Variants in KCNQ5 observed in about 807,000 individuals in gnomAD.
KCNQ5 encodes the protein potassium voltage-gated channel subfamily Q member 5, also known as potassium voltage-gated channel subfamily KQT member 5.
KCNQ5 carries 30 observed loss-of-function variants against 98.2 expected under a neutral mutation model. The ratio of observed to expected loss-of-function variants is 0.31; its 90% CI spans 0.23 to 0.41. The LOEUF is 0.41. Among genes scored for constraint, KCNQ5 ranks in the 10% least tolerant of loss-of-function variants. The probability of loss-of-function intolerance (pLI) is 1.00; values close to 1 mark genes in which losing one functional copy is unlikely to be tolerated. For synonymous variants in KCNQ5, 458 were observed against 449.4 expected (o/e 1.02, Z -0.24); for missense variants, 835 against 1,182.5 (o/e 0.71, Z 4.31).
intron 10 of KCNQ5, among the ~76,000 whole-genome samples, chr6:73,144,829 G>A (rs989308772): frequency 3.3e-5 from 5 of 152,136 alleles, no homozygotes; most frequent in Non-Finnish European, 5.9e-5. Flanking sequence ...TGGTTCACAT[G>A]GTGGTGGTGG....
intron 1 of KCNQ5, among the ~76,000 whole-genome samples, chr6:72,899,981 G>T (rs920112903): frequency 6.6e-6 from 1 of 152,066 alleles, no homozygotes; most frequent in African/African-American, 2.4e-5. Context: ...GAGTATCTGG[G>T]TGTGCACCAC....
At chr6:73,171,574 A>G (rs1778017065) in intron 11 of KCNQ5, among the ~76,000 whole-genome samples, 1 of 152,244 alleles carries the variant, frequency 6.6e-6, no homozygotes, top group East Asian at 1.9e-4. Flanking sequence ...GAATTAATTA[A>G]AATGAAATAC....
chr6:73,178,241 G>A (rs1778288489), intron 11 of KCNQ5, among the ~76,000 whole-genome samples: 1 of 145,778 alleles, frequency 6.9e-6, no homozygotes, highest in African/African-American at 2.6e-5. Context: ...GGATCTGGAA[G>A]TTCTTGCTTG....
intron 11 of KCNQ5, among the ~76,000 whole-genome samples, chr6:73,181,282 C>G (rs899247486): frequency 1.3e-5 from 2 of 152,182 alleles, no homozygotes; most frequent in Non-Finnish European, 2.9e-5. Flanking sequence ...TCTTCATAAC[C>G]AACAGCATCA....
intron 8 of KCNQ5, among the ~76,000 whole-genome samples, chr6:73,121,193 A>G (rs559292355): frequency 6.6e-6 from 1 of 152,224 alleles, no homozygotes; most frequent in Non-Finnish European, 1.5e-5. Context: ...TTCACATTTC[A>G]TTGGCCAAAG....
chr6:72,655,689 G>A (rs770883556), intron 1 of KCNQ5, among the ~76,000 whole-genome samples: 2 of 152,198 alleles, frequency 1.3e-5, no homozygotes, highest in South Asian at 2.1e-4. Flanking sequence ...GGAATATGTC[G>A]GGACATACTG....
At chr6:73,109,236 A>G (rs554685778) in intron 6 of KCNQ5, among the ~76,000 whole-genome samples, 1 of 152,338 alleles carries the variant, frequency 6.6e-6, no homozygotes, top group African/African-American at 2.4e-5. Context: ...TTTTCAGCAC[A>G]TTTTAGATTG....
At chr6:73,101,833 C>G (rs1774789535) in intron 5 of KCNQ5, among the ~76,000 whole-genome samples, 1 of 152,110 alleles carries the variant, frequency 6.6e-6, no homozygotes, top group East Asian at 1.9e-4. Flanking sequence ...TCAAAGCAAT[C>G]TACAAATTCA....
At chr6:73,156,793 AT>A (rs1309971839) in intron 10 of KCNQ5, among the ~76,000 whole-genome samples, 1 of 152,232 alleles carries the variant, frequency 6.6e-6, no homozygotes, top group Non-Finnish European at 1.5e-5. Flanking sequence ...TTTGGAAAGA[AT>A]GAGGAGCAGC....
At chr6:72,955,223 G>C (rs1562091247) in intron 1 of KCNQ5, among the ~76,000 whole-genome samples, 1 of 152,114 alleles carries the variant, frequency 6.6e-6, no homozygotes, top group African/African-American at 2.4e-5. Flanking sequence ...GAACCTGCTT[G>C]TCCATTCTTA....
At chr6:73,103,910 C>T (rs1774898489) in intron 5 of KCNQ5, among the ~76,000 whole-genome samples, 2 of 151,830 alleles carry the variant, frequency 1.3e-5, no homozygotes, top group Non-Finnish European at 2.9e-5. Context: ...TGATGGATAC[C>T]CCTTTTACCC....
chr6:73,097,142 C>CATATATATATATATGTATAT (rs1554208511), intron 5 of KCNQ5, among the ~76,000 whole-genome samples: 1 of 121,858 alleles, frequency 8.2e-6, no homozygotes, highest in Non-Finnish European at 1.8e-5. Flanking sequence ...CAATAGATCT[C>CATATATATATATATGTATAT]ATATATATAT....
chr6:73,189,978 A>G (rs972652398), intron 11 of KCNQ5, among the ~76,000 whole-genome samples: 4 of 150,578 alleles, frequency 2.7e-5, no homozygotes, highest in African/African-American at 9.8e-5. Flanking sequence ...CCTGGGCAAC[A>G]CAGTGAGACC....
intron 1 of KCNQ5, among the ~76,000 whole-genome samples, chr6:72,748,664 G>A (rs1160778690): frequency 6.6e-6 from 1 of 152,072 alleles, no homozygotes; most frequent in African/African-American, 2.4e-5. Flanking sequence ...ACTACTTTGA[G>A]TGAAAAATCT....
At chr6:73,020,809 T>G (rs1770569054) in intron 2 of KCNQ5, among the ~76,000 whole-genome samples, 1 of 152,122 alleles carries the variant, frequency 6.6e-6, no homozygotes, top group Admixed American at 6.6e-5. Context: ...CCAAATATAC[T>G]GTGTATTTCA....
chr6:73,032,031 C>T (rs76298946), intron 2 of KCNQ5, among the ~76,000 whole-genome samples: 522 of 152,200 alleles, frequency 3.4e-3, no homozygotes, highest in East Asian at 0.026. Context: ...GCATGGAAGC[C>T]GTACTATCTC....
chr6:72,771,945 G>T (rs193231887), intron 1 of KCNQ5, among the ~76,000 whole-genome samples: 130 of 152,120 alleles, frequency 8.5e-4, no homozygotes, highest in African/African-American at 3.0e-3. Flanking sequence ...TATGCAAAAA[G>T]CATGCTTTTG....
At chr6:73,192,069 T>G (rs895232427) in intron 12 of KCNQ5, among the ~76,000 whole-genome samples, 3 of 152,236 alleles carry the variant, frequency 2.0e-5, no homozygotes, top group African/African-American at 7.2e-5. Flanking sequence ...TTTATAAAGT[T>G]GAACTGCTAC....
chr6:73,147,779 T>G (rs1662074427), intron 10 of KCNQ5, among the ~76,000 whole-genome samples: 1 of 152,124 alleles, frequency 6.6e-6, no homozygotes, highest in African/African-American at 2.4e-5. Flanking sequence ...TTTGGGGGTT[T>G]TAAAAAGCCC....
Sources: allele counts gnomAD v4.1 joint callset (sites outside exome capture counted in the v4.1 genomes callset), GRCh38; gene constraint gnomAD v4.1.1; transcripts MANE v1.5; gene names NCBI Gene and HGNC (gene_info 2026-07-23, HGNC 2026-07-21).